RORA: variants seen among roughly 807,000 people sequenced by gnomAD.
The protein encoded by RORA is nuclear receptor ROR-alpha.
RORA carries 7 observed loss-of-function variants against 69.5 expected under a neutral mutation model. The observed-to-expected ratio is 0.10, with a 90% CI of 0.06 to 0.19. RORA has a LOEUF of 0.19. Ranked by LOEUF, RORA falls within the 10% of genes least tolerant of loss-of-function variation. The probability of loss-of-function intolerance (pLI) is 1.00; values close to 1 mark genes in which losing one functional copy is unlikely to be tolerated. For missense variants in RORA, 457 were observed against 663.0 expected (o/e 0.69, Z 3.41); for synonymous variants, 261 against 240.8 (o/e 1.08, Z -0.78).
chr15:60,931,720 T>G (rs1470122886), intron 1 of RORA, among the ~76,000 whole-genome samples: 1 of 152,194 alleles, frequency 6.6e-6, no homozygotes, highest in African/African-American at 2.4e-5. Context: ...TAAGCAAATG[T>G]AAGGGCAGGA....
At chr15:61,209,665 T>C (rs718115) in intron 1 of RORA, among the ~76,000 whole-genome samples, 16,008 of 152,216 alleles carry the variant, frequency 0.11, 1,518 homozygotes, top group East Asian at 0.24. Context: ...TGTTTTGTTA[T>C]AGCAGCCTGA....
intron 1 of RORA, among the ~76,000 whole-genome samples, chr15:60,811,785 T>C (rs1460445551): frequency 6.7e-6 from 1 of 150,264 alleles, no homozygotes; most frequent in African/African-American, 2.5e-5. Context: ...ATCTGTACCT[T>C]TCAAATACCT....
intron 1 of RORA, among the ~76,000 whole-genome samples, chr15:60,683,757 A>G (rs1296921911): frequency 1.3e-5 from 2 of 152,160 alleles, no homozygotes; most frequent in African/African-American, 4.8e-5. Context: ...TAAATTGCCA[A>G]TTAAACCCCT....
intron 1 of RORA, among the ~76,000 whole-genome samples, chr15:60,795,340 A>G (rs2072479940): frequency 6.6e-6 from 1 of 152,260 alleles, no homozygotes; most frequent in Non-Finnish European, 1.5e-5. Context: ...GAGCAGCAGC[A>G]GCAAATAAAA....
intron 1 of RORA, among the ~76,000 whole-genome samples, chr15:61,027,815 A>T (rs4486828): frequency 0.57 from 87,264 of 151,962 alleles, 27,352 homozygotes; most frequent in Non-Finnish European, 0.71. Context: ...ATTTTCTCTC[A>T]AAGTCTCAGT....
At chr15:60,627,950 A>G (rs1284392928) in intron 2 of RORA, among the ~76,000 whole-genome samples, 1 of 152,202 alleles carries the variant, frequency 6.6e-6, no homozygotes, top group Non-Finnish European at 1.5e-5. Flanking sequence ...AGCAGGGAAC[A>G]TGTCTTAATT....
Position 60,771,642 on chromosome 15 carries a change from T to C in RORA, c.167-92956A>G, listed in dbSNP as rs140561657. On this transcript the variant is annotated intron_variant, in intron 1 of 10. Transcript: ENST00000335670. ...CATTGAGGGAAGGCTCAACCTGTTC[T>C]CCAGAATGTTAGCACGAACCCCATA... Among the ~76,000 whole-genome samples the C allele has an allele frequency of 8.9e-3, 1,358 of 152,350 alleles. 23 individuals are homozygous for C. The highest frequency in any genetic ancestry group is 0.032 in the African/African-American group (1,317 of 41,586).
At chr15:61,069,210 T>TA (rs1271469640) in intron 1 of RORA, among the ~76,000 whole-genome samples, 1 of 152,184 alleles carries the variant, frequency 6.6e-6, no homozygotes, top group Non-Finnish European at 1.5e-5. Flanking sequence ...AGCACTTATG[T>TA]AAAAAATCTA....
At chr15:60,533,748 G>A (rs2066596800) in intron 2 of RORA, among the ~76,000 whole-genome samples, 1 of 152,162 alleles carries the variant, frequency 6.6e-6, no homozygotes. Flanking sequence ...CTGATTCCTA[G>A]GAATGTAATA....
At chr15:61,129,423 T>G (rs1175487230) in intron 1 of RORA, among the ~76,000 whole-genome samples, 2 of 151,938 alleles carry the variant, frequency 1.3e-5, no homozygotes, top group Non-Finnish European at 2.9e-5. Flanking sequence ...GAAGGTAGAT[T>G]AGTGGTTTCC....
chr15:60,622,440 C>T (rs951971912), intron 2 of RORA, among the ~76,000 whole-genome samples: 10 of 151,984 alleles, frequency 6.6e-5, no homozygotes, highest in Middle Eastern at 3.4e-3. Context: ...TGTGAAACCC[C>T]GTCTTTACTA....
chr15:61,191,143 G>A (rs1027739486), intron 1 of RORA, among the ~76,000 whole-genome samples: 12 of 152,058 alleles, frequency 7.9e-5, no homozygotes, highest in Middle Eastern at 3.2e-3. Context: ...TGGCTCCACC[G>A]TTACGGATTT....
At chr15:61,162,642 C>G (rs1419603356) in intron 1 of RORA, among the ~76,000 whole-genome samples, 1 of 152,154 alleles carries the variant, frequency 6.6e-6, no homozygotes, top group Non-Finnish European at 1.5e-5. Flanking sequence ...CCAGCTGCCT[C>G]TTACTACGGC....
At chr15:61,118,430 G>T (rs1242017183) in intron 1 of RORA, among the ~76,000 whole-genome samples, 1 of 152,152 alleles carries the variant, frequency 6.6e-6, no homozygotes, top group African/African-American at 2.4e-5. Flanking sequence ...TGCATCTCTG[G>T]TTATTAAGGA....
At chr15:61,220,023 C>T (rs111766791) in intron 1 of RORA, among the ~76,000 whole-genome samples, 1 of 152,186 alleles carries the variant, frequency 6.6e-6, no homozygotes. Flanking sequence ...TTACAGCTTG[C>T]AGGTTAACAG....
Position 60,511,276 on chromosome 15 carries a change from C to T in RORA, c.770G>A (p.Cys257Tyr). The part of the protein sequence containing the change: ...YTPASGFFPY[C>Y]SFTNGETSPT... ...GGAAGTCTCGCCGTTGGTGAACGAA[C>T]AGTAGGGAAAGAAGCCTGATGCTGG... The change falls in exon 5 of 11, where the codon TGT becomes TAT. Residue 257 changes from cysteine (C) to tyrosine (Y), a missense_variant. Physicochemically the swap from Cys to Tyr is radical, Grantham distance 194. Around this residue, in one of 3 missense-constraint regions of RORA, gnomAD observed 304 missense variants for 447.4 expected, o/e 0.68. Transcript: ENST00000335670. This position sits in a 1 kb window ranked among gnomAD's most constrained non-coding sequence, Gnocchi z 6.4. 6.2e-7 allele frequency: 1 copy of T among 1,614,148 alleles called. No individual in the cohort carries two copies. The highest frequency in any genetic ancestry group is 8.5e-7 in the Non-Finnish European group (1 of 1,179,992).
At chr15:60,582,717 C>A (rs1036364463) in intron 2 of RORA, among the ~76,000 whole-genome samples, 1 of 152,214 alleles carries the variant, frequency 6.6e-6, no homozygotes, top group Non-Finnish European at 1.5e-5. Flanking sequence ...AATCAGAAAT[C>A]TGTAAGAGCA....
chr15:60,534,411 C>T lies in RORA; in HGVS notation c.197-2560G>A, dbSNP rs923125919. The stretch of plus-strand genomic sequence containing the variant: ...TTTTCAGATCTGGAGGATATTTGAG[C>T]GGAGACAGTCACGAGATCTGTGGAG... On this transcript the variant is annotated intron_variant, in intron 2 of 10. Coordinates refer to ENST00000335670, the MANE Select transcript of RORA (RefSeq NM_134261.3). This position sits in a 1 kb window ranked among gnomAD's most constrained non-coding sequence, Gnocchi z 5.0. Among the ~76,000 whole-genome samples, 6 of 152,026 alleles carry T rather than the reference C, an allele frequency of 3.9e-5. No individual in the cohort carries two copies. The South Asian group carries it at 6.2e-4, about 16-fold the overall frequency.
At chr15:60,943,583 G>A (rs1267115714) in intron 1 of RORA, among the ~76,000 whole-genome samples, 1 of 87,910 alleles carries the variant, frequency 1.1e-5, no homozygotes, top group East Asian at 7.9e-4. Context: ...ATTCTCCAAG[G>A]ATGACATCTT....
Sources: allele counts gnomAD v4.1 joint callset (sites outside exome capture counted in the v4.1 genomes callset), GRCh38; gene constraint gnomAD v4.1.1; regional missense constraint gnomAD v4.1.1; non-coding constraint Gnocchi (gnomAD v3.1); transcripts MANE v1.5; gene names NCBI Gene and HGNC (gene_info 2026-07-23, HGNC 2026-07-21).